GFOD1: variants seen among roughly 807,000 people sequenced by gnomAD.
GFOD1 encodes the protein glucose-fructose oxidoreductase domain-containing protein 1.
A neutral mutation model predicts 25.4 loss-of-function variants in GFOD1; 9 were observed. The ratio of observed to expected loss-of-function variants is 0.35; its 90% CI spans 0.21 to 0.62. The LOEUF (loss-of-function observed/expected upper bound fraction) is 0.62. Among genes scored for constraint, GFOD1 ranks in the 20% least tolerant of loss-of-function variants. The pLI is 0.72. For synonymous variants in GFOD1, 253 were observed against 245.6 expected (o/e 1.03, Z -0.28); for missense variants, 403 against 556.9 (o/e 0.72, Z 2.78).
chr6:13,364,442 C>T lies in GFOD1; in HGVS notation c.*301G>A, dbSNP rs2127554160. The T allele has an allele frequency of 2.7e-6, 1 of 369,954 alleles. No homozygotes were observed. Among genetic ancestry groups the T allele is most frequent in the South Asian group, 4.7e-5 (1 of 21,070 alleles). 22.9% of individuals were successfully genotyped at this position (369,954 alleles called of 1,614,324 possible). A position where few individuals can be genotyped will look rare whatever the true frequency, so the allele number is the denominator to read the frequency against. On this transcript the variant is annotated 3_prime_UTR_variant, in exon 2 of 2. Transcript: ENST00000379287. This position sits in a 1 kb window ranked among gnomAD's most constrained non-coding sequence, Gnocchi z 4.1. ...AGGGAAGCAACCCCTCCTTGCTTGT[C>T]ACAGTAAAGGGCAGCAGAGGCAGCT... is the stretch of plus-strand genomic sequence containing the variant.
chr6:13,424,545 G>T (rs56676493), intron 1 of GFOD1, among the ~76,000 whole-genome samples: 16,456 of 152,042 alleles, frequency 0.11, 1,635 homozygotes, highest in African/African-American at 0.26. Context: ...TTAAAATCAG[G>T]TTTCAAAGAA....
intron 1 of GFOD1, among the ~76,000 whole-genome samples, chr6:13,398,461 A>G (rs1466551717): frequency 2.6e-5 from 4 of 152,246 alleles, no homozygotes; most frequent in Non-Finnish European, 4.4e-5. Flanking sequence ...TACACTTACT[A>G]TCTGCTTATT....
chr6:13,456,798 C>T lies in GFOD1; in HGVS notation c.253+29840G>A, dbSNP rs565490490. 5.3e-5 allele frequency among the ~76,000 whole-genome samples: 8 copies of T among 152,276 alleles called. No individual in the cohort carries two copies. The East Asian group carries it at 9.7e-4, about 18-fold the overall frequency. On this transcript the variant is annotated intron_variant, in intron 1 of 1. Transcript: ENST00000379287. ...TTGGGAGCCAGGAGGTCTGAGCCTC[C>T]TGGGAATGAAAACCTTCCTATTCAG...
intron 1 of GFOD1, among the ~76,000 whole-genome samples, chr6:13,395,669 A>G (rs1231749629): frequency 1.3e-5 from 2 of 152,270 alleles, no homozygotes; most frequent in Admixed American, 1.3e-4. Context: ...ACTGGCTGCC[A>G]GTACTCAGTC....
In GFOD1 at chr6:13,368,327, T is replaced by A. The variant is rs116756505; in HGVS notation, c.254-2665A>T. On this transcript the variant is annotated intron_variant, in intron 1 of 1. Coordinates refer to ENST00000379287, the MANE Select transcript of GFOD1 (RefSeq NM_018988.4). ...GCCCCTGATGGCCATGAAATAGCAG[T>A]GAGAAGCTCTTTTAGTGCTTAGCAA... 3.8e-3 allele frequency among the ~76,000 whole-genome samples: 574 copies of A among 152,284 alleles called. 7 individuals carry two copies. The highest frequency in any genetic ancestry group is 0.013 in the African/African-American group (525 of 41,550).
At chr6:13,432,074 C>A (rs1048506723) in intron 1 of GFOD1, among the ~76,000 whole-genome samples, 1 of 152,160 alleles carries the variant, frequency 6.6e-6, no homozygotes, top group African/African-American at 2.4e-5. Context: ...AAGTCACACA[C>A]CACATGGCTT....
intron 1 of GFOD1, among the ~76,000 whole-genome samples, chr6:13,368,157 G>A (rs993960444): frequency 3.3e-5 from 5 of 152,208 alleles, no homozygotes; most frequent in Admixed American, 6.5e-5. Context: ...AGAACTGGTC[G>A]GTACAGATTG....
intron 1 of GFOD1, among the ~76,000 whole-genome samples, chr6:13,403,193 T>G (rs1785882597): frequency 6.7e-6 from 1 of 149,884 alleles, no homozygotes; most frequent in African/African-American, 2.4e-5. Flanking sequence ...TGGTGCGAAC[T>G]CAGCTCACTG....
At chr6:13,466,750 G>C (rs535465720) in intron 1 of GFOD1, among the ~76,000 whole-genome samples, 26 of 152,226 alleles carry the variant, frequency 1.7e-4, no homozygotes, top group African/African-American at 5.5e-4. Flanking sequence ...AACCCCAAAC[G>C]CCCACTGTGC....
chr6:13,462,702 G>A (rs1232297513), intron 1 of GFOD1, among the ~76,000 whole-genome samples: 1 of 152,180 alleles, frequency 6.6e-6, no homozygotes, highest in Admixed American at 6.5e-5. Flanking sequence ...TGAAATCATA[G>A]GTCTTTTCTA....
chr6:13,446,561 C>T (rs1322723767), intron 1 of GFOD1, among the ~76,000 whole-genome samples: 1 of 152,174 alleles, frequency 6.6e-6, no homozygotes, highest in Non-Finnish European at 1.5e-5. Flanking sequence ...ATACACCAGG[C>T]CCACTCTGGC....
At chr6:13,446,254 C>G (rs1342398010) in intron 1 of GFOD1, among the ~76,000 whole-genome samples, 1 of 152,166 alleles carries the variant, frequency 6.6e-6, no homozygotes, top group African/African-American at 2.4e-5. Flanking sequence ...TTCAAATCAC[C>G]TTTAAAACCT....
At chr6:13,384,490 C>A (rs1037115114) in intron 1 of GFOD1, among the ~76,000 whole-genome samples, 8 of 152,184 alleles carry the variant, frequency 5.3e-5, no homozygotes, top group African/African-American at 1.9e-4. Flanking sequence ...CTACTCCCAA[C>A]CATAATTATA....
intron 1 of GFOD1, among the ~76,000 whole-genome samples, chr6:13,460,196 C>T (rs1454288339): frequency 6.6e-6 from 1 of 152,106 alleles, no homozygotes; most frequent in East Asian, 1.9e-4. Context: ...GAAATAGGAA[C>T]ACTTTTACAC....
chr6:13,442,177 T>C (rs1301759208), intron 1 of GFOD1, among the ~76,000 whole-genome samples: 1 of 152,258 alleles, frequency 6.6e-6, no homozygotes, highest in Admixed American at 6.5e-5. Context: ...TGCTGAACAT[T>C]GTATGTGAGG....
chr6:13,422,445 G>T (rs1053459334), intron 1 of GFOD1, among the ~76,000 whole-genome samples: 1 of 152,158 alleles, frequency 6.6e-6, no homozygotes, highest in Non-Finnish European at 1.5e-5. Flanking sequence ...CACAGAGAGT[G>T]TCCATTTTCT....
At chr6:13,471,022 C>T (rs1001182549) in intron 1 of GFOD1, among the ~76,000 whole-genome samples, 1 of 152,128 alleles carries the variant, frequency 6.6e-6, no homozygotes, top group Non-Finnish European at 1.5e-5. Flanking sequence ...TTTCATGCTT[C>T]AGTATTTATG....
chr6:13,396,968 G>A (rs1562205181), intron 1 of GFOD1, among the ~76,000 whole-genome samples: 1 of 152,196 alleles, frequency 6.6e-6, no homozygotes, highest in South Asian at 2.1e-4. Context: ...GTCAGAGGAA[G>A]GGATATTTAC....
chr6:13,459,113 T>C (rs950882959), intron 1 of GFOD1, among the ~76,000 whole-genome samples: 1 of 152,156 alleles, frequency 6.6e-6, no homozygotes, highest in Non-Finnish European at 1.5e-5. Context: ...AGTGGGTTAA[T>C]GCTGCTATCA....
Sources: allele counts gnomAD v4.1 joint callset (sites outside exome capture counted in the v4.1 genomes callset), GRCh38; gene constraint gnomAD v4.1.1; non-coding constraint Gnocchi (gnomAD v3.1); transcripts MANE v1.5; gene names NCBI Gene and HGNC (gene_info 2026-07-23, HGNC 2026-07-21).